Variants in GPR151 observed in about 807,000 individuals in gnomAD.
GPR151 encodes the protein G-protein coupled receptor PGR7.
A neutral mutation model predicts 18.2 loss-of-function variants in GPR151; 16 were observed. The ratio of observed to expected loss-of-function variants is 0.88; its 90% confidence interval spans 0.60 to 1.34. GPR151 has a LOEUF of 1.34. Among genes scored for constraint, GPR151 ranks in the 40% most tolerant of loss-of-function variants. The probability of loss-of-function intolerance (pLI) is 0.00; values close to 1 mark genes in which losing one functional copy is unlikely to be tolerated. For synonymous variants in GPR151, 202 were observed against 191.2 expected (o/e 1.06, Z -0.47); for missense variants, 509 against 504.3 (o/e 1.01, Z -0.09).
Position 146,514,767 on chromosome 5 carries a change from A to G in GPR151, c.*87T>C, listed in dbSNP as rs1457842525. The G allele has an allele frequency of 7.3e-6, 6 of 824,998 alleles. No individual in the cohort carries two copies. The highest frequency in any genetic ancestry group is 3.6e-4 in the Middle Eastern group (1 of 2,748). 51.1% of individuals were successfully genotyped at this position (824,998 alleles called of 1,614,324 possible). A position where few individuals can be genotyped will look rare whatever the true frequency, so the allele number is the denominator to read the frequency against. On this transcript the variant is annotated 3_prime_UTR_variant, in exon 1 of 1. Coordinates refer to ENST00000311104, the MANE Select transcript of GPR151 (RefSeq NM_194251.3). ...TTTATAATTCCTAATGGTAATAATTATATCAGTTTGTAAAGTCAGCAATAT... is the reference window on the plus strand; with the variant it reads ...TTTATAATTCCTAATGGTAATAATTGTATCAGTTTGTAAAGTCAGCAATAT...
At position 146,515,908 on chromosome 5, in the gene GPR151, T is replaced by C; in HGVS notation, c.206A>G (p.Lys69Arg). ...GILLHNAWKG[K>R]PSMIHSLILN... The stretch of plus-strand genomic sequence containing the variant: ...AATCAGGGAGTGGATCATGGATGGC[T>C]TTCCTTTCCAAGCATTGTGAAGGAG... Residue 69 changes from lysine (K) to arginine (R), a missense_variant, in exon 1 of 1, where the codon AAG (lysine) becomes AGG (arginine). By Grantham distance (26) the Lys-to-Arg change is conservative (BLOSUM62 2). Coordinates refer to ENST00000311104, the MANE Select transcript of GPR151 (RefSeq NM_194251.3). 4 of 1,614,080 alleles carry C rather than the reference T, an allele frequency of 2.5e-6. No individual in the cohort carries two copies. The highest frequency in any genetic ancestry group is 3.4e-6 in the Non-Finnish European group (4 of 1,180,004).
Position 146,515,275 on chromosome 5 carries a change from C to T in GPR151, c.839G>A (p.Gly280Asp). 1 of 1,614,172 alleles carries T rather than the reference C, an allele frequency of 6.2e-7. No homozygotes were observed. Among genetic ancestry groups the T allele is most frequent in the Non-Finnish European group, 8.5e-7 (1 of 1,180,030 alleles). The change falls in exon 1 of 1, where the codon GGC (glycine) becomes GAC (aspartate). Residue 280 changes from glycine to aspartate, a missense_variant. Gly to Asp is a moderately conservative substitution (Grantham distance 94). Transcript: ENST00000311104. Reference protein sequence around the residue: ...WLWVWHLKAAGPAPPQGFIAL... With the variant: ...WLWVWHLKAADPAPPQGFIAL... The stretch of plus-strand genomic sequence containing the variant: ...TATGAAACCTTGTGGTGGGGCCGGG[C>T]CTGCAGCCTTCAGATGCCATACCCA...
In GPR151 at chr5:146,515,191, A is replaced by G; in HGVS notation, c.923T>C (p.Val308Ala). The change falls in exon 1 of 1, where the codon GTG (valine) becomes GCG (alanine). Residue 308 changes from valine to alanine, a missense_variant. Val to Ala is a moderately conservative substitution (Grantham distance 64). Transcript: ENST00000311104. The part of the protein sequence containing the change: ...ISSANPLIFL[V>A]MSEEFREGLK... ...GCCTTCCCTGAACTCTTCCGACATCACAAGAAAAATGAGAGGATTTGCTGA... is the reference window on the plus strand; with the variant it reads ...GCCTTCCCTGAACTCTTCCGACATCGCAAGAAAAATGAGAGGATTTGCTGA... The G allele has an allele frequency of 6.2e-7, 1 of 1,614,136 alleles. No individual in the cohort carries two copies. Among genetic ancestry groups the G allele is most frequent in the South Asian group, 1.1e-5 (1 of 91,076 alleles).
chr5:146,514,703 C>A lies in GPR151; in HGVS notation c.*151G>T, dbSNP rs1352966797. ...TACTTCTAACATGGTTCTCTACTTACCACATTGCACATTTGGAAAGTGTAG... is the reference window on the plus strand; with the variant it reads ...TACTTCTAACATGGTTCTCTACTTAACACATTGCACATTTGGAAAGTGTAG... On this transcript the variant is annotated 3_prime_UTR_variant, in exon 1 of 1. Transcript: ENST00000311104. 4 of 592,888 alleles carry A rather than the reference C, an allele frequency of 6.7e-6. No homozygotes were observed. Among genetic ancestry groups the A allele is most frequent in the East Asian group, 5.7e-5 (2 of 35,398 alleles). The allele number at this position is 592,888 out of a possible 1,614,324, so 36.7% of individuals were successfully genotyped here. A position where few individuals can be genotyped will look rare whatever the true frequency, so the allele number is the denominator to read the frequency against.
chr5:146,516,086 T>TA lies in GPR151; in HGVS notation c.27dup (p.Asn10Ter), dbSNP rs770632399. 1.4e-5 allele frequency: 22 copies of TA among 1,612,626 alleles called. No homozygotes were observed. Among genetic ancestry groups the TA allele is most frequent in the African/African-American group, 1.2e-4 (9 of 74,848 alleles). ...AAGGACACATTCATGCTGCTGGAGT[T>TA]AGAGTCTGCAAAGGCAGCTGCCAGC... On this transcript the variant is annotated frameshift_variant, in exon 1 of 1. Coordinates refer to ENST00000311104, the MANE Select transcript of GPR151 (RefSeq NM_194251.3). LOFTEE classifies it high-confidence loss of function.
rs1278208872 is a variant in GPR151, at chr5:146,514,284, T to C, written c.*570A>G. ...GAATAAGGTGCTGTTTCTTTTTCTT[T>C]GACCTTCAGTCATGAACATTATGAT... is the stretch of plus-strand genomic sequence containing the variant. On this transcript the variant is annotated 3_prime_UTR_variant, in exon 1 of 1. Coordinates refer to ENST00000311104, the MANE Select transcript of GPR151 (RefSeq NM_194251.3). The C allele has an allele frequency of 6.6e-6, 1 of 152,280 alleles. No individual in the cohort carries two copies. Among genetic ancestry groups the C allele is most frequent in the African/African-American group, 2.4e-5 (1 of 41,462 alleles). 9.4% of individuals were successfully genotyped at this position (152,280 alleles called of 1,614,324 possible).
chr5:146,515,482 A>G lies in GPR151; in HGVS notation c.632T>C (p.Phe211Ser). Residue 211 changes from phenylalanine to serine, a missense_variant, in exon 1 of 1, where the codon TTT (phenylalanine) becomes TCT (serine). Transcript: ENST00000311104. ...MFGKLYPLLA[F>S]GLPLFFASFY... ...GCTGGCAAAAAATAATGGAAGGCCAAATGCCAGGAGTGGGTAGAGCTTACC... is the reference window on the plus strand; with the variant it reads ...GCTGGCAAAAAATAATGGAAGGCCAGATGCCAGGAGTGGGTAGAGCTTACC... 6.2e-7 allele frequency: 1 copy of G among 1,614,164 alleles called. No individual in the cohort carries two copies. Among genetic ancestry groups the G allele is most frequent in the Non-Finnish European group, 8.5e-7 (1 of 1,180,036 alleles).
rs766073591 is a variant in GPR151 at position 146,515,727 on chromosome 5, G to A, written c.387C>T (p.Ile129=). The change falls in exon 1 of 1, where the codon ATC becomes ATT. Residue 129 remains isoleucine (I), a synonymous_variant. Transcript: ENST00000311104. ...HTCMAAKSLT[I]VVVAKVCFMY... is the part of the protein sequence containing the mutation. ...TGAAGCATACTTTGGCCACCACAAC[G>A]ATTGTCAGGCTCTTGGCTGCCATGC... is the stretch of plus-strand genomic sequence containing the variant. 3.7e-6 allele frequency: 6 copies of A among 1,614,088 alleles called. No individual in the cohort carries two copies. The highest frequency in any genetic ancestry group is 1.1e-5 in the South Asian group (1 of 91,088).
In GPR151 at chr5:146,514,051, G is replaced by A. The variant is rs1768561445; in HGVS notation, c.*803C>T. ...AGAAAAATAACTTTCCCACATTTTG[G>A]AAGTGAAGAGAGGACATTTTTTTAA... On this transcript the variant is annotated 3_prime_UTR_variant, in exon 1 of 1. Transcript: ENST00000311104. 6.6e-6 allele frequency: 1 copy of A among 151,884 alleles called. No homozygotes were observed. The highest frequency in any genetic ancestry group is 2.4e-5 in the African/African-American group (1 of 41,446). 9.4% of individuals were successfully genotyped at this position (151,884 alleles called of 1,614,324 possible).
rs983278009 is a variant in GPR151 at position 146,513,934 on chromosome 5, A to C, written c.*920T>G. Reference sequence around the variant, plus strand: ...AGAAAGATCACCATCTCCATCTTCTATTTGTATTTGAGGAGTAATCTATAC... The same window carrying C: ...AGAAAGATCACCATCTCCATCTTCTCTTTGTATTTGAGGAGTAATCTATAC... On this transcript the variant is annotated 3_prime_UTR_variant, in exon 1 of 1. Coordinates refer to ENST00000311104, the MANE Select transcript of GPR151 (RefSeq NM_194251.3). 6.6e-6 allele frequency: 1 copy of C among 152,158 alleles called. No individual in the cohort carries two copies. The highest frequency in any genetic ancestry group is 2.4e-5 in the African/African-American group (1 of 41,452). 9.4% of individuals were successfully genotyped at this position (152,158 alleles called of 1,614,324 possible). A position where few individuals can be genotyped will look rare whatever the true frequency, so the allele number is the denominator to read the frequency against.
Position 146,514,870 on chromosome 5 carries a change from C to G in GPR151, c.1244G>C (p.Gly415Ala), listed in dbSNP as rs1554105524. The G allele has an allele frequency of 6.3e-7, 1 of 1,587,530 alleles. No individual in the cohort carries two copies. The highest frequency in any genetic ancestry group is 1.2e-5 in the South Asian group (1 of 86,716). Reference sequence around the variant, plus strand: ...AACTTAAATCTATTTAACACCTTCCCCTGTCTCTTGATCTTCATGTTCCCA... The same window carrying G: ...AACTTAAATCTATTTAACACCTTCCGCTGTCTCTTGATCTTCATGTTCCCA... ...IPWEHEDQETGEGVK is the reference protein window; with the variant it reads ...IPWEHEDQETAEGVK The change falls in exon 1 of 1, where the codon GGG (glycine) becomes GCG (alanine). Residue 415 changes from glycine to alanine, a missense_variant. Physicochemically the swap from Gly to Ala is moderately conservative, Grantham distance 60. Transcript: ENST00000311104.
Position 146,513,727 on chromosome 5 carries a change from T to TA in GPR151, c.*1126dup, listed in dbSNP as rs1299627098. On this transcript the variant is annotated 3_prime_UTR_variant, in exon 1 of 1. Coordinates refer to ENST00000311104, the MANE Select transcript of GPR151 (RefSeq NM_194251.3). ...GTTTTACTGCTTTCTGCATTGCCCT[T>TA]ATGCTTTTTATTTTGTATTCTTAAC... 1.3e-5 allele frequency: 2 copies of TA among 152,232 alleles called. No individual in the cohort carries two copies. The highest frequency in any genetic ancestry group is 4.8e-5 in the African/African-American group (2 of 41,458). The allele number at this position is 152,232 out of a possible 1,614,324, so 9.4% of individuals were successfully genotyped here.
rs1561718954 is a variant in GPR151, at chr5:146,515,041, G to A, written c.1073C>T (p.Ser358Phe). 1.2e-6 allele frequency: 2 copies of A among 1,614,132 alleles called. No individual in the cohort carries two copies. The highest frequency in any genetic ancestry group is 1.7e-6 in the Non-Finnish European group (2 of 1,180,010). The stretch of plus-strand genomic sequence containing the variant: ...GCTGGGTTTCTCTTTTTCTGGTATG[G>A]ATGCTGGGGATTCTGGAGATGGAAC... Reference protein sequence around the residue: ...DKVPSPESPASIPEKEKPSSP... With the variant: ...DKVPSPESPAFIPEKEKPSSP... Residue 358 changes from serine to phenylalanine, a missense_variant, in exon 1 of 1, where the codon TCC becomes TTC. Ser to Phe is a radical substitution (Grantham distance 155). Transcript: ENST00000311104.
In GPR151 at chr5:146,515,580, G is replaced by T; in HGVS notation, c.534C>A (p.Ile178=). 1 of 1,614,132 alleles carries T rather than the reference G, an allele frequency of 6.2e-7. No individual in the cohort carries two copies. Residue 178 remains isoleucine (I), a synonymous_variant, in exon 1 of 1, where the codon ATC becomes ATA. Coordinates refer to ENST00000311104, the MANE Select transcript of GPR151 (RefSeq NM_194251.3). ...ACATTTCCACACCTTCATGATGCCT[G>T]ATGGTGCTAAAGAACCATTCCGGCA... ...LPLPEWFFST[I]RHHEGVEMCL...
At position 146,515,316 on chromosome 5, in the gene GPR151, T is replaced by C; in HGVS notation, c.798A>G (p.Glu266=). ...AIISALLWLP[E]WVAWLWVWHL... Reference sequence around the variant, plus strand: ...GCCATACCCACAGCCAAGCTACCCATTCGGGGAGCCACAAGAGAGCAGAGA... The same window carrying C: ...GCCATACCCACAGCCAAGCTACCCACTCGGGGAGCCACAAGAGAGCAGAGA... Residue 266 remains glutamate (E), a synonymous_variant, in exon 1 of 1, where the codon GAA becomes GAG. Coordinates refer to ENST00000311104, the MANE Select transcript of GPR151 (RefSeq NM_194251.3). 1 of 1,614,164 alleles carries C rather than the reference T, an allele frequency of 6.2e-7. No homozygotes were observed. Among genetic ancestry groups the C allele is most frequent in the Non-Finnish European group, 8.5e-7 (1 of 1,180,018 alleles).
rs960314576 is a variant in GPR151, at chr5:146,513,607, T to C, written c.*1247A>G. On this transcript the variant is annotated 3_prime_UTR_variant, in exon 1 of 1. Transcript: ENST00000311104. ...ATTATACTTAAAAGGGGCAGAAATA[T>C]ATCATAATCATGTTTTATTGGGTAT... The C allele has an allele frequency of 1.3e-5, 2 of 152,182 alleles. No individual in the cohort carries two copies. The highest frequency in any genetic ancestry group is 2.9e-5 in the Non-Finnish European group (2 of 68,030). 9.4% of individuals were successfully genotyped at this position (152,182 alleles called of 1,614,324 possible).
Position 146,515,774 on chromosome 5 carries a change from AGGAC to A in GPR151, c.336_339del (p.Lys112AsnfsTer15), listed in dbSNP as rs1393129080. On this transcript the variant is annotated frameshift_variant, in exon 1 of 1. Coordinates refer to ENST00000311104, the MANE Select transcript of GPR151 (RefSeq NM_194251.3). LOFTEE classifies it high-confidence loss of function. ...ATGCATGTGTGGATAAACCAGTCAG[AGGAC>A]TTGCAGACAAACCAGCCTAGATCCC... The A allele has an allele frequency of 1.9e-6, 3 of 1,614,216 alleles. No homozygotes were observed. The South Asian group carries it at 3.3e-5, about 18-fold the overall frequency.
Position 146,516,087 on chromosome 5 carries a change from A to G in GPR151, c.27T>C (p.Ser9=). 6.2e-7 allele frequency: 1 copy of G among 1,612,624 alleles called. No homozygotes were observed. The highest frequency in any genetic ancestry group is 8.5e-7 in the Non-Finnish European group (1 of 1,179,430). The change falls in exon 1 of 1, where the codon TCT becomes TCC. Residue 9 remains serine (S), a synonymous_variant. Coordinates refer to ENST00000311104, the MANE Select transcript of GPR151 (RefSeq NM_194251.3). ...AGGACACATTCATGCTGCTGGAGTTAGAGTCTGCAAAGGCAGCTGCCAGCA... is the reference window on the plus strand; with the variant it reads ...AGGACACATTCATGCTGCTGGAGTTGGAGTCTGCAAAGGCAGCTGCCAGCA... The part of the protein sequence containing the change: MLAAAFAD[S]NSSSMNVSFA...
In GPR151 at chr5:146,515,402, T is replaced by A. The variant is rs1768592938; in HGVS notation, c.712A>T (p.Asn238Tyr). 1.2e-6 allele frequency: 2 copies of A among 1,614,180 alleles called. No homozygotes were observed. The highest frequency in any genetic ancestry group is 1.7e-6 in the Non-Finnish European group (2 of 1,180,030). The change falls in exon 1 of 1, where the codon AAT becomes TAT. Residue 238 changes from asparagine (N) to tyrosine (Y), a missense_variant. Asn to Tyr is a moderately radical substitution (Grantham distance 143). Transcript: ENST00000311104. ...TTTGAGCGTATCTGGTTTCTAAGAT[T>A]TTGAGTCTTAGTTCCTCGTTTTTTA... ...QCKKRGTKTQ[N>Y]LRNQIRSKQV... is the part of the protein sequence containing the mutation.
Sources: allele counts gnomAD v4.1 joint callset, GRCh38; gene constraint gnomAD v4.1.1; transcripts MANE v1.5; gene names NCBI Gene and HGNC (gene_info 2026-07-23, HGNC 2026-07-21).